The following NAALADL2 variants were observed in gnomAD, a reference collection of about 807,000 sequenced individuals.
NAALADL2 encodes the protein N-acetylated alpha-linked acidic dipeptidase like 2.
A neutral mutation model predicts 87.2 loss-of-function variants in NAALADL2; 76 were observed. That is an observed-to-expected ratio of 0.87 (90% confidence interval 0.72 to 1.05). The LOEUF (loss-of-function observed/expected upper bound fraction) is 1.05. Ranked by LOEUF, NAALADL2 falls within the 50% of genes least tolerant of loss-of-function variation. The pLI is 0.00. For synonymous variants in NAALADL2, 354 were observed against 331.0 expected (o/e 1.07, Z -0.75); for missense variants, 1,089 against 945.8 (o/e 1.15, Z -1.99).
intron 2 of NAALADL2, among the ~76,000 whole-genome samples, chr3:175,190,981 C>CAA (rs544760324): frequency 0.044 from 4,447 of 101,562 alleles, 184 homozygotes; most frequent in African/African-American, 0.12. Context: ...GACTCCGTCT[C>CAA]AAAAAAAAAA....
chr3:174,914,967 T>A (rs1337096129), intron 1 of NAALADL2, among the ~76,000 whole-genome samples: 1 of 152,164 alleles, frequency 6.6e-6, no homozygotes, highest in Non-Finnish European at 1.5e-5. Context: ...TTTCACAGAT[T>A]TTTATTTTAC....
chr3:175,190,275 C>G (rs190652920), intron 2 of NAALADL2, among the ~76,000 whole-genome samples: 30 of 152,102 alleles, frequency 2.0e-4, no homozygotes, highest in African/African-American at 7.0e-4. Context: ...CAACAACCTA[C>G]AGATTTGGGT....
At chr3:175,451,976 T>A (rs1275912511) in intron 6 of NAALADL2, among the ~76,000 whole-genome samples, 1 of 152,172 alleles carries the variant, frequency 6.6e-6, no homozygotes, top group East Asian at 1.9e-4. Context: ...TTACTAGCAT[T>A]TCTTGAGTAC....
At chr3:174,765,050 T>A (rs1004415960) in intron 3 of NAALADL2, among the ~76,000 whole-genome samples, 9 of 150,234 alleles carry the variant, frequency 6.0e-5, no homozygotes, top group African/African-American at 1.7e-4. Flanking sequence ...AGACACTAAA[T>A]AACCAAGAAA....
At chr3:174,790,116 C>A (rs1231807646) in intron 3 of NAALADL2, among the ~76,000 whole-genome samples, 1 of 152,182 alleles carries the variant, frequency 6.6e-6, no homozygotes, top group African/African-American at 2.4e-5. Flanking sequence ...TGCAGTGAAT[C>A]AACGATGAAG....
chr3:175,228,676 TA>T, intron 2 of NAALADL2, among the ~76,000 whole-genome samples: 1 of 151,940 alleles, frequency 6.6e-6, no homozygotes, highest in South Asian at 2.1e-4. Context: ...AGTTCTCCCA[TA>T]ATGAGAATAT....
At position 175,134,709 on chromosome 3, in the gene NAALADL2, A is replaced by T. The variant is rs1728833247; in HGVS notation, c.545+37418A>T. Among the ~76,000 whole-genome samples the T allele has an allele frequency of 2.0e-5, 3 of 152,182 alleles. No homozygotes were observed. In the South Asian group the frequency reaches 6.2e-4, roughly 32 times the overall value. On this transcript the variant is annotated intron_variant, in intron 2 of 13. Transcript: ENST00000454872. ...CAATAAGTAAGGGAGATAAAGTATG[A>T]TGATACTGAGCAGGGAATAACTTAA...
At chr3:175,342,714 C>G (rs578028176) in intron 5 of NAALADL2, among the ~76,000 whole-genome samples, 2 of 152,006 alleles carry the variant, frequency 1.3e-5, no homozygotes, top group South Asian at 4.1e-4. Flanking sequence ...AAGAAAAATG[C>G]TTTCCATTAT....
chr3:175,010,316 A>C (rs1749608913), intron 1 of NAALADL2, among the ~76,000 whole-genome samples: 1 of 152,132 alleles, frequency 6.6e-6, no homozygotes, highest in South Asian at 2.1e-4. Flanking sequence ...CTCAAAGCCA[A>C]TTATGGCACA....
At chr3:175,525,140 T>A (rs1259017697) in intron 9 of NAALADL2, among the ~76,000 whole-genome samples, 1 of 152,118 alleles carries the variant, frequency 6.6e-6, no homozygotes, top group Non-Finnish European at 1.5e-5. Flanking sequence ...GTTTGATAGA[T>A]TCTGGAAATT....
intron 2 of NAALADL2, among the ~76,000 whole-genome samples, chr3:175,150,806 A>G (rs968566180): frequency 2.8e-4 from 43 of 152,246 alleles, no homozygotes; most frequent in African/African-American, 9.9e-4. Flanking sequence ...ATAGCCTACA[A>G]TATAAAAGGT....
intron 1 of NAALADL2, among the ~76,000 whole-genome samples, chr3:174,875,098 A>G (rs1728326321): frequency 7.2e-6 from 1 of 139,562 alleles, no homozygotes; most frequent in African/African-American, 2.8e-5. Flanking sequence ...GGGTGACAAA[A>G]TGAGACCCTG....
At chr3:175,188,888 G>A (rs1389983973) in intron 2 of NAALADL2, among the ~76,000 whole-genome samples, 2 of 150,340 alleles carry the variant, frequency 1.3e-5, no homozygotes, top group Non-Finnish European at 3.0e-5. Context: ...CTGATCTCCA[G>A]GACCCAAGCC....
At chr3:174,918,649 A>G (rs1734735540) in intron 1 of NAALADL2, among the ~76,000 whole-genome samples, 2 of 152,148 alleles carry the variant, frequency 1.3e-5, no homozygotes, top group Non-Finnish European at 2.9e-5. Flanking sequence ...GGTTGCTCCC[A>G]TGGCCAAGAA....
At chr3:174,761,103 C>A (rs1477445810) in intron 3 of NAALADL2, among the ~76,000 whole-genome samples, 1 of 152,188 alleles carries the variant, frequency 6.6e-6, no homozygotes, top group East Asian at 1.9e-4. Flanking sequence ...CCTAGTCTCA[C>A]ATGTCATATT....
At chr3:175,767,512 A>T (rs2150166943) in intron 13 of NAALADL2, 1 of 152,174 alleles carries the variant, frequency 6.6e-6, no homozygotes, top group South Asian at 2.1e-4. Flanking sequence ...TAGAATTCTA[A>T]GTTTGTATGT....
chr3:175,718,880 ACAC>A (rs923139813), intron 11 of NAALADL2, among the ~76,000 whole-genome samples: 2 of 152,016 alleles, frequency 1.3e-5, no homozygotes, highest in African/African-American at 2.4e-5. Flanking sequence ...AAAACAAAAA[ACAC>A]CACCACCACC....
intron 1 of NAALADL2, among the ~76,000 whole-genome samples, chr3:174,870,007 CAAAAAAAAAA>C (rs71624295): frequency 6.4e-5 from 4 of 62,864 alleles, no homozygotes; most frequent in Non-Finnish European, 8.8e-5. Flanking sequence ...CCCCACCCGC[CAAAAAAAAAA>C]AAAAAAAAAA....
chr3:175,589,569 T>C (rs1721066378), intron 10 of NAALADL2, among the ~76,000 whole-genome samples: 1 of 152,020 alleles, frequency 6.6e-6, no homozygotes, highest in South Asian at 2.1e-4. Context: ...TAGCTTTTCA[T>C]GTTATTTAAA....
Sources: allele counts gnomAD v4.1 joint callset (sites outside exome capture counted in the v4.1 genomes callset), GRCh38; gene constraint gnomAD v4.1.1; transcripts MANE v1.5; gene names NCBI Gene and HGNC (gene_info 2026-07-23, HGNC 2026-07-21).